ARHGEF11: variants seen among roughly 807,000 people sequenced by gnomAD.
ARHGEF11 encodes the protein Rho guanine nucleotide exchange factor 11, also known as Rho guanine exchange factor (GEF) 11.
ARHGEF11 carries 55 observed loss-of-function variants against 193.7 expected under a neutral mutation model. The observed-to-expected ratio is 0.28, with a 90% CI of 0.23 to 0.36. The LOEUF is 0.36. ARHGEF11 is among the 10% of genes least tolerant of loss of function. ARHGEF11 has a pLI of 1.00. For missense variants in ARHGEF11, 1,723 were observed against 2,005.6 expected (o/e 0.86, Z 2.69); for synonymous variants, 693 against 768.0 (o/e 0.90, Z 1.62).
At chr1:156,971,892 G>T in intron 7 of ARHGEF11, 76 bp from the exon 8 acceptor site, 1 of 1,501,274 alleles carries the variant, frequency 6.7e-7, no homozygotes, top group African/African-American at 1.4e-5. Context: ...TGACTCACCA[G>T]TGGGGAGAAT....
intron 11 of ARHGEF11, 43 bp from the exon 12 acceptor site, chr1:156,963,637 G>A (rs777654860): frequency 4.4e-6 from 7 of 1,597,642 alleles, no homozygotes; most frequent in Admixed American, 1.8e-5. Context: ...GGTTATAGAG[G>A]ACAGAGGATT....
At chr1:156,941,532 T>A in intron 34 of ARHGEF11, 99 bp from the exon 35 acceptor site, 1 of 1,350,448 alleles carries the variant, frequency 7.4e-7, no homozygotes, top group South Asian at 1.2e-5. Flanking sequence ...AAGGACGGTG[T>A]GGGCCTCTTC....
rs1660227089 is a variant in ARHGEF11 at position 156,958,048 on chromosome 1, AT to A, written c.1503-234del. On this transcript the variant is annotated intron_variant, in intron 17 of 40. Transcript: ENST00000368194. The stretch of plus-strand genomic sequence containing the variant: ...CTGCATAGGTTTCATCTTCTTTGCT[AT>A]TTTTACCCTGTCCTTAAAGTGCCTG... 2.0e-5 allele frequency among the ~76,000 whole-genome samples: 3 copies of A among 152,236 alleles called. No homozygotes were observed. The South Asian group carries it at 6.2e-4, about 32-fold the overall frequency.
At chr1:157,028,985 G>A (rs1337989051) in intron 1 of ARHGEF11, among the ~76,000 whole-genome samples, 1 of 151,810 alleles carries the variant, frequency 6.6e-6, no homozygotes, top group African/African-American at 2.4e-5. Context: ...GGGTAAAATG[G>A]TAAAACCCCA....
chr1:156,954,933 A>G lies in ARHGEF11; in HGVS notation c.1769-12T>C. ...GGGAATATGAAATGCTAAAAGAAAA[A>G]CAAACAAAAACAAAAGTAAACCATG... On this transcript the variant is annotated splice_polypyrimidine_tract_variant and intron_variant, in intron 20 of 40. Coordinates refer to ENST00000368194, the MANE Select transcript of ARHGEF11 (RefSeq NM_198236.3). The G allele has an allele frequency of 1.2e-6, 2 of 1,600,910 alleles. No individual in the cohort carries two copies. The highest frequency in any genetic ancestry group is 1.7e-5 in the Admixed American group (1 of 58,036).
chr1:157,042,214 G>T (rs1308830290), intron 1 of ARHGEF11, among the ~76,000 whole-genome samples: 1 of 152,140 alleles, frequency 6.6e-6, no homozygotes. Flanking sequence ...TATCTTACAA[G>T]AGAAAATAGT....
rs145549282 is a variant in ARHGEF11 at position 156,959,112 on chromosome 1, C to T, written c.1313G>A (p.Arg438His). The change falls in exon 16 of 41, where the codon CGT (arginine) becomes CAT (histidine). Residue 438 changes from arginine (R) to histidine (H), a missense_variant. By Grantham distance (29) the Arg-to-His change is conservative (BLOSUM62 0). This residue lies in a region of ARHGEF11 where 646 missense variants were observed against 710.7 expected (regional missense o/e 0.91). Coordinates refer to ENST00000368194, the MANE Select transcript of ARHGEF11 (RefSeq NM_198236.3). The stretch of plus-strand genomic sequence containing the variant: ...CTCTTGAGCTTCACAGAGAACACCA[C>T]GGGCATCTTCGCTGTTCCGCAGGCG... ...DSRLRNSEDA[R>H]GVLCEAQEAA... The T allele has an allele frequency of 1.3e-5, 21 of 1,614,168 alleles. No individual in the cohort carries two copies. The highest frequency in any genetic ancestry group is 4.5e-5 in the East Asian group (2 of 44,878).
At chr1:156,945,982 G>C (rs1658030384) in intron 29 of ARHGEF11, 63 bp downstream of exon 29, 2 of 1,360,164 alleles carry the variant, frequency 1.5e-6, no homozygotes, top group African/African-American at 2.9e-5. Flanking sequence ...ACAAAGCAGT[G>C]TCAGAATGAG....
At chr1:157,014,414 T>TC (rs561358617) in intron 1 of ARHGEF11, among the ~76,000 whole-genome samples, 125 of 152,268 alleles carry the variant, frequency 8.2e-4, no homozygotes, top group African/African-American at 2.7e-3. Context: ...TCTTTTTTTT[T>TC]CTCCTCTTTT....
chr1:156,986,923 T>C (rs974116009), intron 1 of ARHGEF11, among the ~76,000 whole-genome samples: 2 of 152,202 alleles, frequency 1.3e-5, no homozygotes, highest in South Asian at 4.1e-4. Flanking sequence ...TTGGCGGTAG[T>C]ATTCCAACCC....
At chr1:156,969,956 C>T in intron 9 of ARHGEF11, 42 bp downstream of exon 9, 1 of 1,606,570 alleles carries the variant, frequency 6.2e-7, no homozygotes. Context: ...GAAACCTGGA[C>T]TAGAGATATG....
chr1:156,996,719 G>C (rs1324435460), intron 1 of ARHGEF11, among the ~76,000 whole-genome samples: 2 of 138,122 alleles, frequency 1.4e-5, no homozygotes, highest in African/African-American at 2.7e-5. Flanking sequence ...CTTGCAGTGA[G>C]CCGAGATCAC....
intron 1 of ARHGEF11, among the ~76,000 whole-genome samples, chr1:157,034,063 G>A (rs1671618305): frequency 6.6e-6 from 1 of 152,184 alleles, no homozygotes; most frequent in African/African-American, 2.4e-5. Flanking sequence ...TTGAGGGATG[G>A]CATGAATGTT....
chr1:156,943,642 C>G (rs1657534711), intron 32 of ARHGEF11, among the ~76,000 whole-genome samples: 1 of 152,194 alleles, frequency 6.6e-6, no homozygotes, highest in African/African-American at 2.4e-5. Context: ...CTTCCCAATC[C>G]TGCTCAGACA....
At chr1:157,019,111 A>G (rs1669653077) in intron 1 of ARHGEF11, among the ~76,000 whole-genome samples, 1 of 152,244 alleles carries the variant, frequency 6.6e-6, no homozygotes, top group Admixed American at 6.5e-5. Context: ...AGTACAAACT[A>G]TAAAAGAAAA....
intron 1 of ARHGEF11, among the ~76,000 whole-genome samples, chr1:156,990,460 T>G (rs1665545678): frequency 6.6e-6 from 1 of 152,224 alleles, no homozygotes; most frequent in Non-Finnish European, 1.5e-5. Context: ...ATAGATACTC[T>G]GTTTTCCAAC....
rs374524912 is a variant in ARHGEF11, at chr1:156,956,477, C to T, written c.1614G>A (p.Lys538=). 1.2e-6 allele frequency: 2 copies of T among 1,614,112 alleles called. No homozygotes were observed. Among genetic ancestry groups the T allele is most frequent in the East Asian group, 4.5e-5 (2 of 44,882 alleles). Residue 538 remains lysine (K), a synonymous_variant, in exon 19 of 41, where the codon AAG becomes AAA. Coordinates refer to ENST00000368194, the MANE Select transcript of ARHGEF11 (RefSeq NM_198236.3). ...REARPSNTAE[K]AQSAPDKDKW... ...TGTCCTTGTCAGGAGCAGACTGGGCCTTTTCAGCTGTGTTGGAAGGTCGTG... is the reference window on the plus strand; with the variant it reads ...TGTCCTTGTCAGGAGCAGACTGGGCTTTTTCAGCTGTGTTGGAAGGTCGTG...
At chr1:156,987,655 T>C (rs925175657) in intron 1 of ARHGEF11, among the ~76,000 whole-genome samples, 3 of 152,164 alleles carry the variant, frequency 2.0e-5, no homozygotes, top group Non-Finnish European at 4.4e-5. Context: ...TACAAGTAAC[T>C]TATAAATATA....
At chr1:157,004,211 C>T (rs1403500041) in intron 1 of ARHGEF11, among the ~76,000 whole-genome samples, 2 of 152,236 alleles carry the variant, frequency 1.3e-5, no homozygotes, top group Non-Finnish European at 2.9e-5. Flanking sequence ...AAATGTCTAG[C>T]ATTTCAGAGC....
Sources: gnomAD v4.1 joint callset for allele counts (sites outside exome capture counted in the v4.1 genomes callset) on GRCh38, gnomAD v4.1.1 for gene constraint, gnomAD v4.1.1 regional missense constraint, MANE v1.5 for transcripts, NCBI Gene and HGNC (gene_info 2026-07-23, HGNC 2026-07-21) for gene names.